The following TMPRSS3 variants were observed in gnomAD, a reference collection of about 807,000 sequenced individuals.
The protein encoded by TMPRSS3 is transmembrane protease serine 3.
A neutral mutation model predicts 59.6 loss-of-function variants in TMPRSS3; 55 were observed. The ratio of observed to expected loss-of-function variants is 0.92; its 90% CI spans 0.74 to 1.16. The LOEUF (loss-of-function observed/expected upper bound fraction) is 1.16, where lower values mean the gene tolerates loss of function less well. TMPRSS3 is among the 50% of genes most tolerant of loss of function. The probability of loss-of-function intolerance (pLI) is 0.00; values close to 1 mark genes in which losing one functional copy is unlikely to be tolerated. For synonymous variants in TMPRSS3, 257 were observed against 237.7 expected (o/e 1.08, Z -0.75); for missense variants, 596 against 579.4 (o/e 1.03, Z -0.29).
At position 42,372,728 on chromosome 21, in the gene TMPRSS3, C is replaced by T. The variant is rs560422036; in HGVS notation, c.*34G>A. The T allele has an allele frequency of 1.4e-5, 22 of 1,612,934 alleles. No homozygotes were observed. In the South Asian group the frequency reaches 2.2e-4, roughly 16 times the overall value. The stretch of plus-strand genomic sequence containing the variant: ...GAGGATCGGGCTGTCTTCATCACCT[C>T]AGGAACTCAGGTGGCTACTTGTCCC... On this transcript the variant is annotated 3_prime_UTR_variant, in exon 13 of 13. Coordinates refer to ENST00000644384, the MANE Select transcript of TMPRSS3 (RefSeq NM_001256317.3).
intron 2 of TMPRSS3, among the ~76,000 whole-genome samples, chr21:42,393,847 A>G (rs1451365122): frequency 6.6e-6 from 1 of 152,214 alleles, no homozygotes; most frequent in Non-Finnish European, 1.5e-5. Context: ...GGTGGGCCAG[A>G]TTTGACCCAT....
At position 42,388,334 on chromosome 21, in the gene TMPRSS3, G is replaced by C. The variant is rs1210609379; in HGVS notation, c.446+69C>G. ...GCACCCAATAGTGCCCAACTAAATG[G>C]TAGTTGTCTTTCTTTATTGTTATCC... is the stretch of plus-strand genomic sequence containing the variant. On this transcript the variant is annotated intron_variant, in intron 5 of 12. Transcript: ENST00000644384. This position sits in a 1 kb window ranked among gnomAD's most constrained non-coding sequence, Gnocchi z 5.1. 7.5e-6 allele frequency: 12 copies of C among 1,605,392 alleles called. No homozygotes were observed. Among genetic ancestry groups the C allele is most frequent in the Non-Finnish European group, 8.5e-6 (10 of 1,172,102 alleles).
At chr21:42,376,006 G>A in intron 11 of TMPRSS3, 138 bp from the exon 12 acceptor site, 1 of 1,157,628 alleles carries the variant, frequency 8.6e-7, no homozygotes, top group Non-Finnish European at 1.3e-6. Context: ...GATGACCCAG[G>A]TTACAGAAGG....
At chr21:42,380,644 G>A (rs762369330) in intron 9 of TMPRSS3, among the ~76,000 whole-genome samples, 25 of 152,236 alleles carry the variant, frequency 1.6e-4, no homozygotes, top group Non-Finnish European at 2.8e-4. Flanking sequence ...AGGCCAACGC[G>A]TGCCCACTCC....
chr21:42,383,254 T>C (rs571991614), intron 7 of TMPRSS3, 56 bp from the exon 8 acceptor site: 2 of 1,578,588 alleles, frequency 1.3e-6, no homozygotes, highest in Non-Finnish European at 1.7e-6. Flanking sequence ...TTGGGGGACA[T>C]GGTGTCACCA....
At chr21:42,386,119 A>G (rs75925959) in intron 5 of TMPRSS3, among the ~76,000 whole-genome samples, 2,204 of 152,302 alleles carry the variant, frequency 0.014, 50 homozygotes, top group African/African-American at 0.049. Flanking sequence ...TCTGGAGAAC[A>G]GTGGTGAAAG....
In TMPRSS3 at chr21:42,390,040, G is replaced by C; in HGVS notation, c.95-3C>G. Reference sequence around the variant, plus strand: ...CTGTGCAGCAACAGCATCTGCATCTGAAAACCAGAAAAAGGAAGAGCAGAA... The same window carrying C: ...CTGTGCAGCAACAGCATCTGCATCTCAAAACCAGAAAAAGGAAGAGCAGAA... On this transcript the variant is annotated splice_region_variant and splice_polypyrimidine_tract_variant and intron_variant, in intron 2 of 12. Transcript: ENST00000644384. 1.2e-6 allele frequency: 2 copies of C among 1,610,604 alleles called. No homozygotes were observed. Among genetic ancestry groups the C allele is most frequent in the Non-Finnish European group, 1.7e-6 (2 of 1,176,804 alleles).
chr21:42,390,087 G>A (rs1315388205), intron 2 of TMPRSS3, 50 bp from the exon 3 acceptor site: 2 of 1,373,132 alleles, frequency 1.5e-6, no homozygotes, highest in African/African-American at 2.9e-5. Context: ...CTGACTTGGA[G>A]TGCCATGAAA....
chr21:42,393,173 G>A (rs931646167), intron 2 of TMPRSS3, among the ~76,000 whole-genome samples: 13 of 152,206 alleles, frequency 8.5e-5, no homozygotes, highest in African/African-American at 2.6e-4. Flanking sequence ...GAACCCGGGC[G>A]GTTGGAGGTT....
intron 2 of TMPRSS3, among the ~76,000 whole-genome samples, chr21:42,391,198 T>C (rs529998946): frequency 7.9e-5 from 12 of 152,240 alleles, no homozygotes; most frequent in Admixed American, 5.9e-4. Context: ...AGATGTTGAT[T>C]TTTGTTTGTT....
chr21:42,378,003 G>C (rs1339383435), intron 10 of TMPRSS3, among the ~76,000 whole-genome samples: 1 of 152,252 alleles, frequency 6.6e-6, no homozygotes, highest in African/African-American at 2.4e-5. Context: ...GAATGACTCT[G>C]GTGGGCTGGT....
At position 42,372,054 on chromosome 21, in the gene TMPRSS3, T is replaced by A. The variant is rs1459635973; in HGVS notation, c.*708A>T. The A allele has an allele frequency of 2.2e-6, 1 of 454,388 alleles. No homozygotes were observed. 28.1% of individuals were successfully genotyped at this position (454,388 alleles called of 1,614,324 possible). A position where few individuals can be genotyped will look rare whatever the true frequency, so the allele number is the denominator to read the frequency against. On this transcript the variant is annotated 3_prime_UTR_variant, in exon 13 of 13. Coordinates refer to ENST00000644384, the MANE Select transcript of TMPRSS3 (RefSeq NM_001256317.3). ...GTAGAAAGGGTGGGTTTGGTTCTGG[T>A]CCCTAGAGATGAAAACGTGCAGTGA...
intron 12 of TMPRSS3, 151 bp downstream of exon 12, chr21:42,375,565 G>T: frequency 2.0e-6 from 2 of 988,338 alleles, no homozygotes; most frequent in Non-Finnish European, 1.6e-6. Flanking sequence ...CAGCACAAGC[G>T]TCTGACACCC....
chr21:42,378,851 A>C (rs917232735), intron 10 of TMPRSS3, among the ~76,000 whole-genome samples: 2 of 150,194 alleles, frequency 1.3e-5, no homozygotes, highest in Non-Finnish European at 3.0e-5. Flanking sequence ...AGTAGCTGGG[A>C]CCACCATGTC....
intron 9 of TMPRSS3, among the ~76,000 whole-genome samples, 158 bp from the exon 10 acceptor site, chr21:42,380,370 C>T (rs1310259409): frequency 6.6e-6 from 1 of 152,172 alleles, no homozygotes; most frequent in African/African-American, 2.4e-5. Flanking sequence ...ACAGCAGGAG[C>T]CCCTTACCCC....
At chr21:42,387,589 C>G (rs1419562060) in intron 5 of TMPRSS3, among the ~76,000 whole-genome samples, 4 of 152,160 alleles carry the variant, frequency 2.6e-5, no homozygotes, top group Non-Finnish European at 4.4e-5. Flanking sequence ...TGGGGAAAGA[C>G]AGCCGAGAAT....
At chr21:42,395,520 A>C in intron 1 of TMPRSS3, 52 bp from the exon 2 acceptor site, 2 of 976,662 alleles carry the variant, frequency 2.0e-6, no homozygotes, top group South Asian at 2.7e-5. Flanking sequence ...TACTTGTAGC[A>C]TCAGGTGCAT....
intron 2 of TMPRSS3, among the ~76,000 whole-genome samples, chr21:42,390,692 C>T (rs983988411): frequency 6.6e-6 from 1 of 152,188 alleles, no homozygotes; most frequent in African/African-American, 2.4e-5. Flanking sequence ...CGCACTGCTA[C>T]ACTCCAGCCT....
intron 10 of TMPRSS3, among the ~76,000 whole-genome samples, chr21:42,379,672 G>A (rs919755056): frequency 1.3e-5 from 2 of 152,096 alleles, no homozygotes; most frequent in African/African-American, 4.8e-5. Flanking sequence ...TTATTACAGC[G>A]ATCTCATCTG....
Sources: allele counts gnomAD v4.1 joint callset (sites outside exome capture counted in the v4.1 genomes callset), GRCh38; gene constraint gnomAD v4.1.1; non-coding constraint Gnocchi (gnomAD v3.1); transcripts MANE v1.5; gene names NCBI Gene and HGNC (gene_info 2026-07-23, HGNC 2026-07-21).